The following ENOX1 variants were observed in gnomAD, a reference collection of about 807,000 sequenced individuals.
ENOX1 encodes the protein ecto-NOX disulfide-thiol exchanger 1.
Under a neutral mutation model 82.5 loss-of-function variants are expected in ENOX1, and 42 were observed. The observed-to-expected ratio is 0.51, with a 90% confidence interval of 0.40 to 0.66. The LOEUF is 0.66. Ranked by LOEUF, ENOX1 falls within the 30% of genes least tolerant of loss-of-function variation. The pLI is 0.00. For synonymous variants in ENOX1, 271 were observed against 282.2 expected (o/e 0.96, Z 0.40); for missense variants, 608 against 811.6 (o/e 0.75, Z 3.05).
At chr13:43,489,691 G>C (rs1399369251) in intron 2 of ENOX1, among the ~76,000 whole-genome samples, 1 of 152,172 alleles carries the variant, frequency 6.6e-6, no homozygotes, top group East Asian at 1.9e-4. Context: ...CTGAACTCCA[G>C]CCCGCGAGAG....
intron 2 of ENOX1, among the ~76,000 whole-genome samples, chr13:43,555,186 T>C (rs780819162): frequency 6.6e-6 from 1 of 152,172 alleles, no homozygotes; most frequent in Admixed American, 6.5e-5. Context: ...GATGTTAGGA[T>C]TAAGGAGAAG....
At chr13:43,722,733 A>G (rs2088665707) in intron 1 of ENOX1, among the ~76,000 whole-genome samples, 2 of 152,168 alleles carry the variant, frequency 1.3e-5, no homozygotes, top group Non-Finnish European at 2.9e-5. Flanking sequence ...AAGGTAAAAA[A>G]AAAATAGGTT....
chr13:43,736,561 G>A (rs955439936), intron 1 of ENOX1, among the ~76,000 whole-genome samples: 3 of 152,146 alleles, frequency 2.0e-5, no homozygotes, highest in East Asian at 3.8e-4. Context: ...CTGTGCTAAC[G>A]GTTGTGGACA....
intron 7 of ENOX1, among the ~76,000 whole-genome samples, chr13:43,359,347 A>G (rs2050353023): frequency 6.6e-6 from 1 of 152,238 alleles, no homozygotes; most frequent in Non-Finnish European, 1.5e-5. Flanking sequence ...AAAATCGCCT[A>G]TAAAAATTGA....
chr13:43,760,865 A>AAG (rs1950926164), intron 1 of ENOX1, among the ~76,000 whole-genome samples: 2 of 151,322 alleles, frequency 1.3e-5, no homozygotes, highest in Non-Finnish European at 2.9e-5. Context: ...AAGTGGAAAA[A>AAG]AAAAAAAAAA....
intron 3 of ENOX1, among the ~76,000 whole-genome samples, chr13:43,472,851 G>A (rs2058127871): frequency 6.6e-6 from 1 of 152,158 alleles, no homozygotes; most frequent in South Asian, 2.1e-4. Flanking sequence ...GTAATGAAAG[G>A]TTAATACTAT....
intron 2 of ENOX1, among the ~76,000 whole-genome samples, chr13:43,588,621 A>G (rs2081100716): frequency 6.6e-6 from 1 of 152,196 alleles, no homozygotes; most frequent in Non-Finnish European, 1.5e-5. Context: ...TACCTCCTAG[A>G]CATATGGCCT....
chr13:43,760,130 G>A (rs577417552), intron 1 of ENOX1, among the ~76,000 whole-genome samples: 7 of 152,176 alleles, frequency 4.6e-5, no homozygotes, highest in African/African-American at 1.7e-4. Context: ...AGAAAATATA[G>A]ACCAACTCTT....
chr13:43,577,422 A>G lies in ENOX1; in HGVS notation c.-219+90057T>C, dbSNP rs553822648. ...GCTAGGATTACAGGCATGAGCCACC[A>G]TGCCCGGCCTCAATATTTTCAAACT... On this transcript the variant is annotated intron_variant, in intron 2 of 16. Coordinates refer to ENST00000690772, the MANE Select transcript of ENOX1 (RefSeq NM_001347969.2). 6.6e-5 allele frequency among the ~76,000 whole-genome samples: 10 copies of G among 152,300 alleles called. No homozygotes were observed. In the East Asian group the frequency reaches 1.7e-3, roughly 26 times the overall value.
chr13:43,397,403 C>T (rs1228923413), intron 5 of ENOX1, among the ~76,000 whole-genome samples: 3 of 152,310 alleles, frequency 2.0e-5, no homozygotes, highest in African/African-American at 4.8e-5. Context: ...TCACTCTGTG[C>T]ATAGGGTCCC....
At chr13:43,643,591 C>T (rs1205938085) in intron 2 of ENOX1, among the ~76,000 whole-genome samples, 1 of 151,590 alleles carries the variant, frequency 6.6e-6, no homozygotes, top group Non-Finnish European at 1.5e-5. Flanking sequence ...AATCTGAAGA[C>T]ATCCTGTATG....
chr13:43,528,324 T>C (rs946948571), intron 2 of ENOX1, among the ~76,000 whole-genome samples: 2 of 152,124 alleles, frequency 1.3e-5, no homozygotes, highest in Non-Finnish European at 2.9e-5. Flanking sequence ...ATACCCTTTG[T>C]ATACATAGGA....
chr13:43,545,922 G>A (rs1469696663), intron 2 of ENOX1: 1 of 152,300 alleles, frequency 6.6e-6, no homozygotes, highest in Non-Finnish European at 1.5e-5. Context: ...GATGTTGGAG[G>A]GGGTGCCATT....
chr13:43,673,184 T>C (rs1420795727), intron 1 of ENOX1, among the ~76,000 whole-genome samples: 1 of 151,744 alleles, frequency 6.6e-6, no homozygotes, highest in Non-Finnish European at 1.5e-5. Flanking sequence ...TGTATATATA[T>C]ATATATATAC....
rs746628136 is a variant in ENOX1, at chr13:43,344,775, C to A, written c.824-25G>T. 5.0e-6 allele frequency: 8 copies of A among 1,600,014 alleles called. No homozygotes were observed. The African/African-American group carries it at 8.0e-5, about 16-fold the overall frequency. Reference sequence around the variant, plus strand: ...TCTGGAAATGGAAAACCACCAAGTACAAATCATGCCAAGATGAGAAAATAC... The same window carrying A: ...TCTGGAAATGGAAAACCACCAAGTAAAAATCATGCCAAGATGAGAAAATAC... On this transcript the variant is annotated intron_variant, in intron 8 of 16. Transcript: ENST00000690772.
intron 1 of ENOX1, among the ~76,000 whole-genome samples, chr13:43,752,377 G>T (rs1467213603): frequency 6.6e-6 from 1 of 151,950 alleles, no homozygotes; most frequent in Admixed American, 6.6e-5. Context: ...AGAAATTTTT[G>T]ATTTTGATGA....
At chr13:43,343,589 T>A (rs2049193036) in intron 9 of ENOX1, among the ~76,000 whole-genome samples, 1 of 152,168 alleles carries the variant, frequency 6.6e-6, no homozygotes, top group Admixed American at 6.5e-5. Flanking sequence ...TTCCATCCTA[T>A]CCTGACAGAT....
intron 11 of ENOX1, among the ~76,000 whole-genome samples, chr13:43,306,309 C>T (rs2046858037): frequency 6.6e-6 from 1 of 152,174 alleles, no homozygotes; most frequent in Non-Finnish European, 1.5e-5. Flanking sequence ...GCAGGAGCAT[C>T]TCAGGAGGGG....
intron 13 of ENOX1, among the ~76,000 whole-genome samples, chr13:43,267,125 C>T (rs2044422867): frequency 1.3e-5 from 2 of 152,154 alleles, no homozygotes; most frequent in South Asian, 4.1e-4. Context: ...CCGCTGCAGC[C>T]CACCCCTCTC....
Sources: gnomAD v4.1 joint callset for allele counts (sites outside exome capture counted in the v4.1 genomes callset) on GRCh38, gnomAD v4.1.1 for gene constraint, MANE v1.5 for transcripts, NCBI Gene and HGNC (gene_info 2026-07-23, HGNC 2026-07-21) for gene names.